GRAMD1A: variants seen among roughly 807,000 people sequenced by gnomAD.
GRAMD1A encodes the protein protein Aster-A.
A neutral mutation model predicts 92.0 loss-of-function variants in GRAMD1A; 50 were observed. The ratio of observed to expected loss-of-function variants is 0.54; its 90% confidence interval spans 0.43 to 0.69. The LOEUF (loss-of-function observed/expected upper bound fraction) is 0.69. GRAMD1A is among the 30% of genes least tolerant of loss of function. The pLI, the probability that GRAMD1A is intolerant of heterozygous loss-of-function variation, is 0.00. For synonymous variants in GRAMD1A, 405 were observed against 403.6 expected, an observed-to-expected ratio of 1.00 and a Z score of -0.04; for missense variants, 819 against 978.9, an observed-to-expected ratio of 0.84 and a Z score of 2.18.
chr19:35,022,703 G>A (rs2016152333), intron 16 of GRAMD1A, among the ~76,000 whole-genome samples, 197 bp from the exon 17 acceptor site: 1 of 152,178 alleles, frequency 6.6e-6, no homozygotes, highest in African/African-American at 2.4e-5. Context: ...GCAGGATCCC[G>A]GGGTTGAGCA....
chr19:35,007,927 A>C (rs1434279781), intron 1 of GRAMD1A, among the ~76,000 whole-genome samples: 17 of 152,192 alleles, frequency 1.1e-4, no homozygotes, highest in Non-Finnish European at 5.9e-5. Flanking sequence ...AGAGATGAAG[A>C]AAATAAAGAA....
intron 1 of GRAMD1A, among the ~76,000 whole-genome samples, chr19:35,006,253 C>T (rs2014805344): frequency 6.6e-6 from 1 of 152,098 alleles, no homozygotes; most frequent in Non-Finnish European, 1.5e-5. Flanking sequence ...ACCTGGGAGG[C>T]GCAGGTTGCA....
chr19:35,005,379 G>T (rs1344651655), intron 1 of GRAMD1A, among the ~76,000 whole-genome samples: 1 of 152,006 alleles, frequency 6.6e-6, no homozygotes, highest in Non-Finnish European at 1.5e-5. Flanking sequence ...TGAGGGAGGT[G>T]GGGGAGCCCT....
At chr19:35,025,613 C>G (rs752335141) in intron 19 of GRAMD1A, among the ~76,000 whole-genome samples, 1 of 152,154 alleles carries the variant, frequency 6.6e-6, no homozygotes, top group African/African-American at 2.4e-5. Context: ...AGGAGCTTGC[C>G]CGAGGTCACA....
intron 1 of GRAMD1A, among the ~76,000 whole-genome samples, chr19:35,005,077 A>G (rs2151703785): frequency 6.6e-6 from 1 of 151,764 alleles, no homozygotes; most frequent in African/African-American, 2.4e-5. Flanking sequence ...CTGGAACCCA[A>G]GTTCTATGGG....
chr19:35,010,010 C>A (rs1254975068), intron 4 of GRAMD1A, 38 bp downstream of exon 4: 2 of 1,545,672 alleles, frequency 1.3e-6, no homozygotes, highest in Admixed American at 1.7e-5. Flanking sequence ...CCTAGCCCAG[C>A]CCTGTGACTC....
chr19:35,001,838 C>A (rs1395787622), intron 1 of GRAMD1A, among the ~76,000 whole-genome samples: 1 of 152,118 alleles, frequency 6.6e-6, no homozygotes, highest in Non-Finnish European at 1.5e-5. Flanking sequence ...GAACTCCTGA[C>A]CTCAGGTGAT....
At chr19:35,017,495 C>G (rs66793381) in intron 11 of GRAMD1A, among the ~76,000 whole-genome samples, 4 of 151,698 alleles carry the variant, frequency 2.6e-5, no homozygotes, top group Admixed American at 2.0e-4. Context: ...CACGCTCCTC[C>G]CCTGCTTGAA....
upstream of GRAMD1A, chr19:34,995,854 A>G: frequency 1.6e-6 from 1 of 606,400 alleles, no homozygotes; most frequent in Non-Finnish European, 2.9e-6. Context: ...GAGAGCTGGG[A>G]TTACAAGCAT....
chr19:35,014,864 CAAAAAAGAA>C (rs892361343), intron 10 of GRAMD1A: 22 of 158,202 alleles, frequency 1.4e-4, no homozygotes, highest in Admixed American at 1.2e-3. Context: ...CCGTTTTGTA[CAAAAAAGAA>C]AAAAAAGAAA....
rs372879824 is a variant in GRAMD1A at position 35,023,564 on chromosome 19, G to A, written c.2082+17G>A. On this transcript the variant is annotated intron_variant, in intron 19 of 19. Coordinates refer to ENST00000317991, the MANE Select transcript of GRAMD1A (RefSeq NM_020895.5). ...CTGGATGAGGTAGGAGGCGCCGCTC[G>A]GGCAGGGCTCGGGGCTGCGGGGCTG... is the stretch of plus-strand genomic sequence containing the variant. 15 of 1,561,900 alleles carry A rather than the reference G, an allele frequency of 9.6e-6. No individual in the cohort carries two copies. The highest frequency in any genetic ancestry group is 7.1e-5 in the South Asian group (6 of 84,742).
Position 35,026,372 on chromosome 19 carries a change from T to G in GRAMD1A, c.*231T>G, listed in dbSNP as rs1052457445. On this transcript the variant is annotated 3_prime_UTR_variant, in exon 20 of 20. Coordinates refer to ENST00000317991, the MANE Select transcript of GRAMD1A (RefSeq NM_020895.5). ...AACTTATTTTGCCCGGCTGAGGTTGTGGGGGGCGCCTCCTGGGGTGCACGA... is the reference window on the plus strand; with the variant it reads ...AACTTATTTTGCCCGGCTGAGGTTGGGGGGGGCGCCTCCTGGGGTGCACGA... 1.7e-6 allele frequency: 1 copy of G among 581,960 alleles called. No homozygotes were observed. The highest frequency in any genetic ancestry group is 3.0e-5 in the Admixed American group (1 of 33,468). The allele number at this position is 581,960 out of a possible 1,614,324, so 36.0% of individuals were successfully genotyped here.
At position 35,015,864 on chromosome 19, in the gene GRAMD1A, C is replaced by G. The variant is rs754098357; in HGVS notation, c.1110C>G (p.Leu370=). The G allele has an allele frequency of 3.5e-5, 56 of 1,614,034 alleles. No homozygotes were observed. The highest frequency in any genetic ancestry group is 4.6e-5 in the Non-Finnish European group (54 of 1,180,014). Residue 370 remains leucine, a synonymous_variant, in exon 11 of 20, where the codon CTC becomes CTG. Transcript: ENST00000317991. ...TGCTTCCCGACCTCTCCGGCCGCCT[C>G]CTCATCAACTCTGTCTTCCATGTGG... ...AALLPDLSGR[L]LINSVFHVGA...
Position 35,010,747 on chromosome 19 carries a change from A to T in GRAMD1A, c.525+368A>T, listed in dbSNP as rs150197660. 335 of 520,612 alleles carry T rather than the reference A, an allele frequency of 6.4e-4. 6 individuals are homozygous for T. The East Asian group carries it at 0.01, about 16-fold the overall frequency. 32.2% of individuals were successfully genotyped at this position (520,612 alleles called of 1,614,324 possible). ...GCTTTCTCACCAGCGGTCCAACAAG[A>T]AGGGGGACAGGTGTGGGGGACACTT... On this transcript the variant is annotated intron_variant, in intron 6 of 19. Coordinates refer to ENST00000317991, the MANE Select transcript of GRAMD1A (RefSeq NM_020895.5).
At chr19:35,015,772 A>G in intron 10 of GRAMD1A, 52 bp from the exon 11 acceptor site, 1 of 1,571,946 alleles carries the variant, frequency 6.4e-7, no homozygotes, top group Non-Finnish European at 8.7e-7. Flanking sequence ...TGGCCCGCAG[A>G]GGGAGGGAGG....
chr19:35,023,180 G>T, intron 17 of GRAMD1A, 56 bp from the exon 18 acceptor site: 1 of 1,217,336 alleles, frequency 8.2e-7, no homozygotes, highest in South Asian at 1.2e-5. Context: ...TAGTTGTTTG[G>T]GGGTGTTCAG....
intron 5 of GRAMD1A, 42 bp downstream of exon 5, chr19:35,010,237 A>T: frequency 6.3e-7 from 1 of 1,583,160 alleles, no homozygotes; most frequent in Non-Finnish European, 8.7e-7. Flanking sequence ...GGGGGCCCCC[A>T]TGGCCAGGCC....
chr19:35,021,529 GC>G lies in GRAMD1A; in HGVS notation c.1504del (p.Gln502SerfsTer6). 1 of 1,614,106 alleles carries G rather than the reference GC, an allele frequency of 6.2e-7. No individual in the cohort carries two copies. Among genetic ancestry groups the G allele is most frequent in the Non-Finnish European group, 8.5e-7 (1 of 1,179,916 alleles). ...RVSSEIRYRK[Q>X]PWSLVKSLIE... ...TGTCTTCTGAGATCCGCTACCGAAA[GC>G]AGCCGTGGAGCCTGGTGAAGTCGCT... is the stretch of plus-strand genomic sequence containing the variant. On this transcript the variant is annotated frameshift_variant, in exon 14 of 20. Coordinates refer to ENST00000317991, the MANE Select transcript of GRAMD1A (RefSeq NM_020895.5). LOFTEE classifies it high-confidence loss of function. The surrounding 1 kb of genome is among the most constrained non-coding windows in gnomAD (Gnocchi z 5.3).
intron 1 of GRAMD1A, among the ~76,000 whole-genome samples, chr19:35,007,633 A>G (rs2014920991): frequency 6.6e-6 from 1 of 152,044 alleles, no homozygotes; most frequent in Non-Finnish European, 1.5e-5. Context: ...GGTAGTGCCC[A>G]AGGTGGGAGG....
Sources: allele counts gnomAD v4.1 joint callset (sites outside exome capture counted in the v4.1 genomes callset), GRCh38; gene constraint gnomAD v4.1.1; non-coding constraint Gnocchi (gnomAD v3.1); transcripts MANE v1.5; gene names NCBI Gene and HGNC (gene_info 2026-07-23, HGNC 2026-07-21).